CACHD1: variants seen among roughly 807,000 people sequenced by gnomAD.
CACHD1 encodes cache domain containing 1, also known as VWFA and cache domain-containing protein 1.
In CACHD1, 71 loss-of-function variants were observed where a neutral mutation model predicts 138.7. That is an observed-to-expected ratio of 0.51 (90% CI 0.42 to 0.62). CACHD1 has a LOEUF of 0.62. Among genes scored for constraint, CACHD1 ranks in the 20% least tolerant of loss-of-function variants. CACHD1 has a pLI of 0.00. For synonymous variants in CACHD1, 578 were observed against 591.5 expected (o/e 0.98, Z 0.33); for missense variants, 1,389 against 1,625.3 (o/e 0.85, Z 2.50).
chr1:64,601,668 A>T (rs1253461728), intron 3 of CACHD1, among the ~76,000 whole-genome samples: 3 of 152,186 alleles, frequency 2.0e-5, no homozygotes, highest in African/African-American at 7.2e-5. Flanking sequence ...ATGTGTTCTT[A>T]TGTGTTAGGA....
At chr1:64,484,610 CTG>C (rs746699181) in intron 1 of CACHD1, among the ~76,000 whole-genome samples, 21 of 152,354 alleles carry the variant, frequency 1.4e-4, no homozygotes, top group Admixed American at 2.6e-4. Flanking sequence ...TTCCCAAACT[CTG>C]TACCATTGAA....
In CACHD1 at chr1:64,470,684, A is replaced by G. The variant is rs2100245566; in HGVS notation, c.-61A>G. 3 of 463,486 alleles carry G rather than the reference A, an allele frequency of 6.5e-6. No individual in the cohort carries two copies. The highest frequency in any genetic ancestry group is 1.1e-5 in the Non-Finnish European group (3 of 266,694). The allele number at this position is 463,486 out of a possible 1,614,324, so 28.7% of individuals were successfully genotyped here. A position where few individuals can be genotyped will look rare whatever the true frequency, so the allele number is the denominator to read the frequency against. On this transcript the variant is annotated 5_prime_UTR_variant, in exon 1 of 27. Transcript: ENST00000651257. The surrounding 1 kb of genome is among the most constrained non-coding windows in gnomAD (Gnocchi z 5.2). ...GGTGCGCCGCGCTTTTGCGGGGGGCACCTCCCGCGGCCCGCTTCCCCGCGC... is the reference window on the plus strand; with the variant it reads ...GGTGCGCCGCGCTTTTGCGGGGGGCGCCTCCCGCGGCCCGCTTCCCCGCGC...
At chr1:64,582,071 A>G (rs970653465) in intron 2 of CACHD1, 85 bp from the exon 3 acceptor site, 1 of 1,424,020 alleles carries the variant, frequency 7.0e-7, no homozygotes, top group Non-Finnish European at 9.7e-7. Flanking sequence ...GCAGCTTGTG[A>G]CACAGATTAC....
intron 3 of CACHD1, among the ~76,000 whole-genome samples, chr1:64,592,021 A>G (rs1056874890): frequency 2.0e-5 from 3 of 152,210 alleles, no homozygotes; most frequent in Non-Finnish European, 4.4e-5. Flanking sequence ...AGTCTCAGTC[A>G]CTATGATGCT....
intron 26 of CACHD1, among the ~76,000 whole-genome samples, chr1:64,683,585 G>C (rs1650257708): frequency 6.6e-6 from 1 of 152,142 alleles, no homozygotes; most frequent in Non-Finnish European, 1.5e-5. Flanking sequence ...GGCATATGAA[G>C]CAACAGCTTA....
At chr1:64,581,740 C>A (rs1647014300) in intron 2 of CACHD1, among the ~76,000 whole-genome samples, 1 of 152,174 alleles carries the variant, frequency 6.6e-6, no homozygotes, top group Admixed American at 6.5e-5. Flanking sequence ...CCTTGAAAAA[C>A]CGTGAACCCA....
intron 1 of CACHD1, among the ~76,000 whole-genome samples, chr1:64,496,094 C>G (rs1399163008): frequency 6.6e-6 from 1 of 152,132 alleles, no homozygotes; most frequent in Non-Finnish European, 1.5e-5. Context: ...CATCCTAGAA[C>G]ATGAGTGGTA....
intron 2 of CACHD1, among the ~76,000 whole-genome samples, chr1:64,552,634 C>T (rs776330334): frequency 3.3e-5 from 5 of 151,868 alleles, no homozygotes; most frequent in Admixed American, 6.6e-5. Context: ...CCCACATGCC[C>T]GGCTGATTTT....
At chr1:64,541,805 C>T (rs941877212) in intron 1 of CACHD1, among the ~76,000 whole-genome samples, 2 of 152,176 alleles carry the variant, frequency 1.3e-5, no homozygotes, top group Non-Finnish European at 2.9e-5. Flanking sequence ...GCACTCCATC[C>T]ACCTGGGTGA....
intron 7 of CACHD1, among the ~76,000 whole-genome samples, chr1:64,638,975 T>C (rs1199958783): frequency 6.6e-6 from 1 of 152,210 alleles, no homozygotes; most frequent in Non-Finnish European, 1.5e-5. Context: ...TATGTCTTAT[T>C]GTTGGAATGG....
At chr1:64,588,500 C>A (rs1416661613) in intron 3 of CACHD1, among the ~76,000 whole-genome samples, 2 of 151,664 alleles carry the variant, frequency 1.3e-5, no homozygotes, top group South Asian at 2.1e-4. Flanking sequence ...CATGCCTCAG[C>A]CTGCTGAGTA....
At chr1:64,554,594 G>A (rs575734378) in intron 2 of CACHD1, among the ~76,000 whole-genome samples, 3 of 152,156 alleles carry the variant, frequency 2.0e-5, no homozygotes, top group Admixed American at 6.5e-5. Context: ...CATTTGCCTC[G>A]CTCTGATTAC....
chr1:64,580,760 A>C (rs559341092), intron 2 of CACHD1, among the ~76,000 whole-genome samples: 60 of 152,236 alleles, frequency 3.9e-4, no homozygotes, highest in African/African-American at 1.4e-3. Context: ...GTTTAGGAGA[A>C]TCCCTGGCCT....
intron 1 of CACHD1, among the ~76,000 whole-genome samples, chr1:64,504,008 G>C (rs1239389798): frequency 6.6e-6 from 1 of 152,134 alleles, no homozygotes; most frequent in Non-Finnish European, 1.5e-5. Flanking sequence ...GGACACAATG[G>C]AGATGCACAT....
intron 1 of CACHD1, among the ~76,000 whole-genome samples, chr1:64,499,358 T>C (rs1360351308): frequency 6.6e-6 from 1 of 152,168 alleles, no homozygotes; most frequent in Non-Finnish European, 1.5e-5. Flanking sequence ...TTCAAAACTG[T>C]TTGCCAGTAC....
intron 1 of CACHD1, among the ~76,000 whole-genome samples, chr1:64,489,143 C>A (rs140495930): frequency 6.6e-6 from 1 of 152,276 alleles, no homozygotes; most frequent in East Asian, 1.9e-4. Flanking sequence ...TTATTTATGG[C>A]ATTTTTAGAC....
At chr1:64,642,518 G>C (rs1231027816) in intron 8 of CACHD1, among the ~76,000 whole-genome samples, 1 of 152,160 alleles carries the variant, frequency 6.6e-6, no homozygotes, top group Non-Finnish European at 1.5e-5. Context: ...TTATTAAAAT[G>C]GATTGTGCTG....
At chr1:64,571,353 G>A (rs1646925913) in intron 2 of CACHD1, among the ~76,000 whole-genome samples, 1 of 152,172 alleles carries the variant, frequency 6.6e-6, no homozygotes, top group Non-Finnish European at 1.5e-5. Flanking sequence ...GAGGCACTAG[G>A]AGGGAGAGAC....
chr1:64,663,887 A>C lies in CACHD1; in HGVS notation c.2094+50A>C, dbSNP rs765168006. 14 of 1,609,608 alleles carry C rather than the reference A, an allele frequency of 8.7e-6. No individual in the cohort carries two copies. The South Asian group carries it at 1.5e-4, about 18-fold the overall frequency. ...TTCTGGTGTCCCCCTCCACAGGCCC[A>C]GCAGGGGGTGCTGGCAGTGAACCTT... On this transcript the variant is annotated intron_variant, in intron 14 of 26. Transcript: ENST00000651257.
Sources: allele counts gnomAD v4.1 joint callset (sites outside exome capture counted in the v4.1 genomes callset), GRCh38; gene constraint gnomAD v4.1.1; non-coding constraint Gnocchi (gnomAD v3.1); transcripts MANE v1.5; gene names NCBI Gene and HGNC (gene_info 2026-07-23, HGNC 2026-07-21).